PAPPA2: variants seen among roughly 807,000 people sequenced by gnomAD.
PAPPA2 encodes the protein pappalysin 2, also known as pappalysin-2.
Under a neutral mutation model 176.4 loss-of-function variants are expected in PAPPA2, and 86 were observed. The observed-to-expected ratio is 0.49, with a 90% CI of 0.41 to 0.58. PAPPA2 has a LOEUF of 0.58. Ranked by LOEUF, PAPPA2 falls within the 20% of genes least tolerant of loss-of-function variation. The pLI is 0.00. For synonymous variants in PAPPA2, 809 were observed against 852.2 expected, an observed-to-expected ratio of 0.95 and a Z score of 0.88; for missense variants, 2,073 against 2,256.9, an observed-to-expected ratio of 0.92 and a Z score of 1.65.
chr1:176,709,910 A>G, intron 10 of PAPPA2, 73 bp from the exon 11 acceptor site: 1 of 1,365,936 alleles, frequency 7.3e-7, no homozygotes, highest in South Asian at 1.4e-5. Context: ...AGTGTTGTGG[A>G]CATTCCCATG....
At chr1:176,514,864 C>T (rs951083710) in intron 1 of PAPPA2, among the ~76,000 whole-genome samples, 16 of 152,186 alleles carry the variant, frequency 1.1e-4, no homozygotes, top group Admixed American at 5.9e-4. Context: ...TTGCCCATTC[C>T]AGACTGGCCT....
At chr1:176,586,836 T>C (rs1653340865) in intron 2 of PAPPA2, among the ~76,000 whole-genome samples, 1 of 152,208 alleles carries the variant, frequency 6.6e-6, no homozygotes, top group South Asian at 2.1e-4. Flanking sequence ...TCAAATGGTA[T>C]TTCTGGTTCT....
At chr1:176,684,933 C>T (rs1405130939) in intron 4 of PAPPA2, among the ~76,000 whole-genome samples, 2 of 152,106 alleles carry the variant, frequency 1.3e-5, no homozygotes, top group Admixed American at 6.6e-5. Context: ...TGGATGCCTG[C>T]GGTTGTCAGG....
chr1:176,793,746 A>G (rs1665293617), intron 20 of PAPPA2, 77 bp downstream of exon 20: 1 of 1,134,180 alleles, frequency 8.8e-7, no homozygotes, highest in Admixed American at 2.6e-5. Context: ...TTTTGGAGTA[A>G]TTTCAGAGGC....
At chr1:176,564,901 G>T (rs1042236787) in intron 2 of PAPPA2, among the ~76,000 whole-genome samples, 1 of 151,956 alleles carries the variant, frequency 6.6e-6, no homozygotes, top group Non-Finnish European at 1.5e-5. Flanking sequence ...GCACCCAAAA[G>T]AAATGCTGTA....
At chr1:176,527,741 A>C in intron 1 of PAPPA2, among the ~76,000 whole-genome samples, 1 of 152,192 alleles carries the variant, frequency 6.6e-6, no homozygotes, top group East Asian at 1.9e-4. Context: ...GCCAAAAAGA[A>C]GTTTCCATTC....
intron 3 of PAPPA2, among the ~76,000 whole-genome samples, chr1:176,647,585 T>A (rs188732154): frequency 1.2e-4 from 18 of 151,884 alleles, no homozygotes; most frequent in Middle Eastern, 6.8e-3. Context: ...GATTTTATTT[T>A]TTGTATGTGG....
At chr1:176,818,028 C>T (rs1229702651) in intron 21 of PAPPA2, among the ~76,000 whole-genome samples, 1 of 151,956 alleles carries the variant, frequency 6.6e-6, no homozygotes, top group Non-Finnish European at 1.5e-5. Flanking sequence ...GGAAGAATGA[C>T]TAGAGAGGCG....
At chr1:176,502,080 C>T (rs770846187) in intron 1 of PAPPA2, among the ~76,000 whole-genome samples, 1 of 152,180 alleles carries the variant, frequency 6.6e-6, no homozygotes, top group Non-Finnish European at 1.5e-5. Context: ...TGACACTTCT[C>T]ATTTAATGTA....
chr1:176,755,856 A>G (rs981106468), intron 14 of PAPPA2, among the ~76,000 whole-genome samples: 1 of 152,238 alleles, frequency 6.6e-6, no homozygotes, highest in African/African-American at 2.4e-5. Context: ...CCATTAACAC[A>G]TATTTGATAT....
At chr1:176,563,610 G>A (rs980188255) in intron 2 of PAPPA2, among the ~76,000 whole-genome samples, 3 of 152,242 alleles carry the variant, frequency 2.0e-5, no homozygotes, top group South Asian at 4.2e-4. Flanking sequence ...AATATTTACT[G>A]TCTGGCCCTT....
intron 14 of PAPPA2, among the ~76,000 whole-genome samples, chr1:176,754,541 C>T (rs1663329547): frequency 6.6e-6 from 1 of 152,020 alleles, no homozygotes; most frequent in Non-Finnish European, 1.5e-5. Flanking sequence ...CAGAAGTATT[C>T]TCTTATGGAT....
intron 1 of PAPPA2, 133 bp from the exon 2 acceptor site, chr1:176,555,262 GAAAACAAAAACA>G (rs895730090): frequency 2.0e-5 from 3 of 152,232 alleles, no homozygotes; most frequent in East Asian, 1.9e-4. Flanking sequence ...GTCTTTAAAT[GAAAACAAAAACA>G]AAAACAAAAA....
rs1553376002 is a variant in PAPPA2, at chr1:176,623,758, C to CTTTCTTTCTTT, written c.1991+28163_1991+28164insTTTCTTTCTTT. On this transcript the variant is annotated intron_variant, in intron 3 of 22. Transcript: ENST00000367662. ...TTTCTTTCTCTCTCTTTCCTTCCTT[C>CTTTCTTTCTTT]CTTTCTTTCTTTCTTTCTTTCTTTC... is the stretch of plus-strand genomic sequence containing the variant. Among the ~76,000 whole-genome samples the CTTTCTTTCTTT allele has an allele frequency of 1.8e-3, 105 of 59,050 alleles. 1 individual carries two copies. The highest frequency in any genetic ancestry group is 4.6e-3 in the African/African-American group (60 of 13,166). 38.7% of individuals were successfully genotyped at this position (59,050 alleles called of 152,430 possible).
intron 21 of PAPPA2, among the ~76,000 whole-genome samples, chr1:176,803,322 T>C (rs1305929777): frequency 6.6e-6 from 1 of 152,174 alleles, no homozygotes; most frequent in Non-Finnish European, 1.5e-5. Flanking sequence ...TTCTTACTGG[T>C]GTCATTTATT....
chr1:176,834,707 C>G (rs774172156), intron 21 of PAPPA2, among the ~76,000 whole-genome samples: 1 of 152,130 alleles, frequency 6.6e-6, no homozygotes, highest in Non-Finnish European at 1.5e-5. Flanking sequence ...TGGTGGCTCA[C>G]GCCTGTAATC....
At chr1:176,835,273 A>C (rs1667229394) in intron 21 of PAPPA2, among the ~76,000 whole-genome samples, 1 of 152,190 alleles carries the variant, frequency 6.6e-6, no homozygotes, top group Non-Finnish European at 1.5e-5. Context: ...CACCTTTTTA[A>C]GGCTTCATTT....
intron 17 of PAPPA2, among the ~76,000 whole-genome samples, chr1:176,787,684 A>T (rs1665001113): frequency 6.6e-6 from 1 of 152,188 alleles, no homozygotes; most frequent in Admixed American, 6.5e-5. Flanking sequence ...AAATTATTTG[A>T]AGTTGAATGA....
chr1:176,605,705 G>A (rs989635129), intron 3 of PAPPA2, among the ~76,000 whole-genome samples: 13 of 152,134 alleles, frequency 8.5e-5, no homozygotes, highest in Admixed American at 2.0e-4. Flanking sequence ...ATGTTAGTTC[G>A]GAAGTCATAG....
Sources: gnomAD v4.1 joint callset for allele counts (sites outside exome capture counted in the v4.1 genomes callset) on GRCh38, gnomAD v4.1.1 for gene constraint, MANE v1.5 for transcripts, NCBI Gene and HGNC (gene_info 2026-07-23, HGNC 2026-07-21) for gene names.